UGT1A7: variants seen among roughly 807,000 people sequenced by gnomAD.
The protein encoded by UGT1A7 is UDP glucuronosyltransferase family 1 member A7, also known as UDP-glucuronosyltransferase 1A7.
UGT1A7 carries 33 observed loss-of-function variants against 45.6 expected under a neutral mutation model. That is an observed-to-expected ratio of 0.72 (90% confidence interval 0.55 to 0.97). The LOEUF (loss-of-function observed/expected upper bound fraction) is 0.97, where lower values mean the gene tolerates loss of function less well. Among genes scored for constraint, UGT1A7 ranks in the 50% least tolerant of loss-of-function variants. The pLI, the probability that UGT1A7 is intolerant of heterozygous loss-of-function variation, is 0.00. For missense variants in UGT1A7, 684 were observed against 666.2 expected (o/e 1.03, Z -0.29); for synonymous variants, 274 against 250.6 (o/e 1.09, Z -0.88).
intron 1 of UGT1A7, among the ~76,000 whole-genome samples, chr2:233,683,637 T>C (rs1227086066): frequency 6.6e-6 from 1 of 152,098 alleles, no homozygotes; most frequent in East Asian, 1.9e-4. Context: ...ATAAATAAAA[T>C]TTTGCACTTT....
rs1033838664 is a variant in UGT1A7 at position 233,759,586 on chromosome 2, C to T, written c.856-7448C>T. On this transcript the variant is annotated intron_variant, in intron 1 of 4. Transcript: ENST00000373426. ...TCTGGTCATTCTCTACCCCAGCACG[C>T]CCCCCACCCCCGACCCGCCCCACCC... is the stretch of plus-strand genomic sequence containing the variant. 1.1e-4 allele frequency among the ~76,000 whole-genome samples: 16 copies of T among 147,554 alleles called. No homozygotes were observed. In the South Asian group the frequency reaches 2.0e-3, roughly 18 times the overall value.
At chr2:233,737,362 C>G (rs1215274347) in intron 1 of UGT1A7, among the ~76,000 whole-genome samples, 2 of 152,208 alleles carry the variant, frequency 1.3e-5, no homozygotes, top group East Asian at 3.9e-4. Context: ...AGCTGCTAAG[C>G]CAGGCAGGGG....
intron 1 of UGT1A7, among the ~76,000 whole-genome samples, chr2:233,766,011 CCTT>C (rs1699028411): frequency 6.6e-6 from 1 of 152,070 alleles, no homozygotes; most frequent in Non-Finnish European, 1.5e-5. Flanking sequence ...TGGGTTATGG[CCTT>C]CTTTTAGTTT....
At chr2:233,689,816 C>T (rs1484884597) in intron 1 of UGT1A7, 2 of 441,390 alleles carry the variant, frequency 4.5e-6, no homozygotes, top group East Asian at 7.0e-5. Flanking sequence ...GGAAACCAAA[C>T]ATCTCTGGAC....
intron 1 of UGT1A7, among the ~76,000 whole-genome samples, chr2:233,716,995 G>T (rs1230366985): frequency 6.6e-6 from 1 of 152,142 alleles, no homozygotes; most frequent in Non-Finnish European, 1.5e-5. Flanking sequence ...GCTGTCCTCA[G>T]GGCCCCTATG....
intron 1 of UGT1A7, chr2:233,747,140 A>C: frequency 1.3e-6 from 2 of 1,552,466 alleles, no homozygotes; most frequent in East Asian, 2.3e-5. Flanking sequence ...GTGACAAGGT[A>C]ATTAAGATGA....
At chr2:233,690,557 C>T (rs990506921) in intron 1 of UGT1A7, 2 of 1,289,654 alleles carry the variant, frequency 1.6e-6, no homozygotes, top group Non-Finnish European at 2.0e-6. Context: ...ATGTCCCAAG[C>T]CTGAGTCATT....
chr2:233,739,477 G>C (rs569787669), intron 1 of UGT1A7, among the ~76,000 whole-genome samples: 1 of 152,350 alleles, frequency 6.6e-6, no homozygotes, highest in East Asian at 1.9e-4. Context: ...GACCGTGGGA[G>C]CCCATTTCTG....
chr2:233,758,136 T>C (rs1239060049), intron 1 of UGT1A7, among the ~76,000 whole-genome samples: 2 of 152,212 alleles, frequency 1.3e-5, no homozygotes, highest in Non-Finnish European at 2.9e-5. Context: ...ATTTGGCAGA[T>C]GAGGGAATTA....
intron 1 of UGT1A7, among the ~76,000 whole-genome samples, chr2:233,705,164 G>T (rs1459236514): frequency 1.3e-5 from 2 of 151,464 alleles, no homozygotes; most frequent in South Asian, 2.1e-4. Flanking sequence ...GAGAGAGAGA[G>T]AATAAAGGGG....
In UGT1A7 at chr2:233,730,399, T is replaced by C. The variant is rs371215104; in HGVS notation, c.856-36635T>C. On this transcript the variant is annotated intron_variant, in intron 1 of 4. Coordinates refer to ENST00000373426, the MANE Select transcript of UGT1A7 (RefSeq NM_019077.3). ...GGGGAAAGATGATGCAACAGTAAAT[T>C]ACAATTGTTGACATGATAATTTTTA... Among the ~76,000 whole-genome samples, 4 of 152,338 alleles carry C rather than the reference T, an allele frequency of 2.6e-5. No individual in the cohort carries two copies. In the East Asian group the frequency reaches 7.7e-4, roughly 29 times the overall value.
chr2:233,748,973 C>T (rs1032988654), intron 1 of UGT1A7, among the ~76,000 whole-genome samples: 3 of 151,678 alleles, frequency 2.0e-5, no homozygotes, highest in African/African-American at 7.3e-5. Flanking sequence ...ATAGTGGGAT[C>T]TACTTCTTTA....
intron 1 of UGT1A7, chr2:233,692,741 G>A: frequency 9.7e-7 from 1 of 1,033,006 alleles, no homozygotes; most frequent in South Asian, 1.9e-5. Context: ...CAGAGAGGGA[G>A]AAGCAGACTT....
At chr2:233,719,099 G>A (rs769526366) in intron 1 of UGT1A7, 39 of 1,614,126 alleles carry the variant, frequency 2.4e-5, no homozygotes, top group African/African-American at 2.0e-4. Flanking sequence ...ATCGCGTTAC[G>A]CTGGGCTACA....
At chr2:233,760,220 G>A (rs1697349973) in intron 1 of UGT1A7, 6 of 1,593,686 alleles carry the variant, frequency 3.8e-6, no homozygotes, top group African/African-American at 1.4e-5. Flanking sequence ...TTGGTGTATC[G>A]ATTGGTTTTT....
intron 1 of UGT1A7, among the ~76,000 whole-genome samples, chr2:233,741,313 C>T (rs1377772642): frequency 1.3e-5 from 2 of 151,788 alleles, no homozygotes; most frequent in African/African-American, 4.9e-5. Flanking sequence ...TACACACCAA[C>T]TCATTCTACT....
intron 1 of UGT1A7, chr2:233,743,255 C>T: frequency 2.3e-6 from 1 of 438,832 alleles, no homozygotes; most frequent in Middle Eastern, 3.5e-4. Flanking sequence ...CTCAACTCTC[C>T]ATCTTCCTCC....
intron 1 of UGT1A7, among the ~76,000 whole-genome samples, chr2:233,726,716 T>C (rs546308876): frequency 1.3e-5 from 2 of 152,344 alleles, no homozygotes; most frequent in East Asian, 3.9e-4. Flanking sequence ...TTTGAGGAAG[T>C]ACAATGTAGA....
intron 1 of UGT1A7, chr2:233,692,804 A>T (rs2075115525): frequency 2.1e-6 from 3 of 1,403,232 alleles, no homozygotes. Flanking sequence ...ACACGGCCAT[A>T]GTTGGTTCAT....
Sources: allele counts gnomAD v4.1 joint callset (sites outside exome capture counted in the v4.1 genomes callset), GRCh38; gene constraint gnomAD v4.1.1; transcripts MANE v1.5; gene names NCBI Gene and HGNC (gene_info 2026-07-23, HGNC 2026-07-21).